Variants in SLAIN1 observed in about 807,000 individuals in gnomAD.
SLAIN1 encodes the protein SLAIN motif-containing protein 1.
SLAIN1 carries 17 observed loss-of-function variants against 55.4 expected under a neutral mutation model. The ratio of observed to expected loss-of-function variants is 0.31; its 90% CI spans 0.21 to 0.46. The LOEUF (loss-of-function observed/expected upper bound fraction) is 0.46. Ranked by LOEUF, SLAIN1 falls within the 20% of genes least tolerant of loss-of-function variation. SLAIN1 has a pLI of 1.00. For synonymous variants in SLAIN1, 348 were observed against 337.4 expected (o/e 1.03, Z -0.35); for missense variants, 682 against 785.1 (o/e 0.87, Z 1.57).
intron 4 of SLAIN1, among the ~76,000 whole-genome samples, chr13:77,748,809 C>A (rs924751140): frequency 6.6e-6 from 1 of 152,146 alleles, no homozygotes; most frequent in Non-Finnish European, 1.5e-5. Context: ...TCTCAACTGT[C>A]TAAGGTTCGG....
chr13:77,697,702 G>A lies in SLAIN1; in HGVS notation c.-212G>A, dbSNP rs1023973024. Among the ~76,000 whole-genome samples the A allele has an allele frequency of 1.7e-4, 25 of 151,296 alleles. No individual in the cohort carries two copies. The highest frequency in any genetic ancestry group is 3.5e-4 in the Non-Finnish European group (24 of 67,764). ...GCGACGCCCAGGGGACTGGAGGGAC[G>A]CACTGAGCATGTGCAGATCAGCTCG... On this transcript the variant is annotated 5_prime_UTR_variant, in exon 1 of 7. Coordinates refer to ENST00000418532, the MANE Select transcript of SLAIN1 (RefSeq NM_001242868.2).
chr13:77,723,932 T>TA (rs10599579), intron 2 of SLAIN1, among the ~76,000 whole-genome samples: 53 of 145,978 alleles, frequency 3.6e-4, no homozygotes, highest in Middle Eastern at 3.5e-3. Context: ...TTTTGGAGAT[T>TA]AAAAAAAAAA....
At chr13:77,731,390 TA>T (rs1872854294) in intron 2 of SLAIN1, among the ~76,000 whole-genome samples, 1 of 152,182 alleles carries the variant, frequency 6.6e-6, no homozygotes, top group Non-Finnish European at 1.5e-5. Context: ...CAAATAAGTG[TA>T]GGAGCAAAAG....
rs2091001326 is a variant in SLAIN1, at chr13:77,698,857, C to A, written c.626+318C>A. ...TCCTCGTTAGCATTAAGTGCAAAAT[C>A]CATGTCATCTTGTCTTTTTGCTCAG... On this transcript the variant is annotated intron_variant, in intron 1 of 6. Coordinates refer to ENST00000418532, the MANE Select transcript of SLAIN1 (RefSeq NM_001242868.2). This position sits in a 1 kb window ranked among gnomAD's most constrained non-coding sequence, Gnocchi z 4.1. The A allele has an allele frequency of 1.3e-6, 2 of 1,506,840 alleles. No individual in the cohort carries two copies. Among genetic ancestry groups the A allele is most frequent in the Non-Finnish European group, 1.8e-6 (2 of 1,127,792 alleles). The allele number at this position is 1,506,840 out of a possible 1,614,324, so 93.3% of individuals were successfully genotyped here. A position where few individuals can be genotyped will look rare whatever the true frequency, so the allele number is the denominator to read the frequency against.
intron 5 of SLAIN1, among the ~76,000 whole-genome samples, chr13:77,756,554 T>C (rs1874622765): frequency 6.6e-6 from 1 of 152,168 alleles, no homozygotes; most frequent in African/African-American, 2.4e-5. Context: ...TGTTTTGATA[T>C]TGAATCCAGC....
intron 2 of SLAIN1, among the ~76,000 whole-genome samples, chr13:77,736,316 T>C (rs891716082): frequency 3.9e-5 from 6 of 152,122 alleles, no homozygotes; most frequent in African/African-American, 1.4e-4. Flanking sequence ...ATTCTGTCTT[T>C]ACCTCCCTGT....
At chr13:77,717,701 A>G (rs537111418) in intron 1 of SLAIN1, among the ~76,000 whole-genome samples, 1 of 152,250 alleles carries the variant, frequency 6.6e-6, no homozygotes, top group Admixed American at 6.5e-5. Context: ...GGAACAATGA[A>G]AATACCATGA....
chr13:77,723,172 A>G (rs2091277682), intron 2 of SLAIN1, among the ~76,000 whole-genome samples: 1 of 152,146 alleles, frequency 6.6e-6, no homozygotes, highest in African/African-American at 2.4e-5. Flanking sequence ...TTGATGAACC[A>G]TCCGCAGTAT....
intron 2 of SLAIN1, among the ~76,000 whole-genome samples, chr13:77,742,019 T>C (rs975673695): frequency 2.6e-5 from 4 of 152,208 alleles, no homozygotes; most frequent in Admixed American, 2.0e-4. Context: ...GCTTAGCGCA[T>C]TGATTTGTAT....
At chr13:77,745,069 G>GT (rs1873720390) in intron 3 of SLAIN1, among the ~76,000 whole-genome samples, 1 of 152,046 alleles carries the variant, frequency 6.6e-6, no homozygotes, top group Non-Finnish European at 1.5e-5. Context: ...GGTTGGTGGA[G>GT]TTAGGTATAG....
In SLAIN1 at chr13:77,722,132, G is replaced by A. The variant is rs540886495; in HGVS notation, c.766+2461G>A. ...TCGTGAGGTCATGAGGATAGGAACT[G>A]GCATACTGCAGTTTTGTTCATGATG... On this transcript the variant is annotated intron_variant, in intron 2 of 6. Coordinates refer to ENST00000418532, the MANE Select transcript of SLAIN1 (RefSeq NM_001242868.2). Among the ~76,000 whole-genome samples the A allele has an allele frequency of 1.1e-4, 17 of 151,908 alleles. No individual in the cohort carries two copies. In the South Asian group the frequency reaches 3.3e-3, roughly 30 times the overall value.
At chr13:77,707,321 A>G (rs1454823846) in intron 1 of SLAIN1, among the ~76,000 whole-genome samples, 1 of 152,058 alleles carries the variant, frequency 6.6e-6, no homozygotes, top group Admixed American at 6.6e-5. Flanking sequence ...CCAAGCATGA[A>G]TAAACTGTTT....
At chr13:77,744,577 TTA>T in intron 3 of SLAIN1, 145 bp downstream of exon 3, 1 of 1,261,580 alleles carries the variant, frequency 7.9e-7, no homozygotes, top group Non-Finnish European at 1.1e-6. Context: ...GTGGAGCCAG[TTA>T]TATGCTTCTC....
intron 2 of SLAIN1, among the ~76,000 whole-genome samples, chr13:77,729,224 T>A (rs969945993): frequency 1.3e-5 from 2 of 152,218 alleles, no homozygotes; most frequent in South Asian, 4.1e-4. Context: ...GTTTGCCAAA[T>A]TTCCTTAAGT....
At chr13:77,740,423 A>G (rs1324854267) in intron 2 of SLAIN1, among the ~76,000 whole-genome samples, 1 of 151,922 alleles carries the variant, frequency 6.6e-6, no homozygotes, top group Non-Finnish European at 1.5e-5. Context: ...AGTATCGTAC[A>G]TTGATTCAGT....
intron 1 of SLAIN1, among the ~76,000 whole-genome samples, chr13:77,716,690 T>G (rs2091211192): frequency 2.0e-5 from 3 of 152,162 alleles, no homozygotes; most frequent in Admixed American, 6.6e-5. Flanking sequence ...TTAATATATA[T>G]AAGTATACAA....
chr13:77,732,941 T>A (rs995741882), intron 2 of SLAIN1, among the ~76,000 whole-genome samples: 1 of 152,132 alleles, frequency 6.6e-6, no homozygotes, highest in African/African-American at 2.4e-5. Context: ...ATAATAGTCA[T>A]GAGGGAAGAG....
intron 2 of SLAIN1, among the ~76,000 whole-genome samples, chr13:77,740,745 T>C (rs898301456): frequency 2.8e-4 from 43 of 152,168 alleles, no homozygotes; most frequent in Admixed American, 1.8e-3. Context: ...AAGATAAAAT[T>C]GCTCTTTTTT....
chr13:77,707,498 A>C (rs1034158317), intron 1 of SLAIN1, among the ~76,000 whole-genome samples: 2 of 152,076 alleles, frequency 1.3e-5, no homozygotes, highest in East Asian at 3.8e-4. Context: ...TGTTTCATGT[A>C]AAAGGAATAT....
Sources: gnomAD v4.1 joint callset for allele counts (sites outside exome capture counted in the v4.1 genomes callset) on GRCh38, gnomAD v4.1.1 for gene constraint, Gnocchi (gnomAD v3.1) non-coding constraint, MANE v1.5 for transcripts, NCBI Gene and HGNC (gene_info 2026-07-23, HGNC 2026-07-21) for gene names.